Variants in MACROD2 observed in about 807,000 individuals in gnomAD.
MACROD2 encodes the protein mono-ADP ribosylhydrolase 2.
MACROD2 carries 36 observed loss-of-function variants against 70.4 expected under a neutral mutation model. The ratio of observed to expected loss-of-function variants is 0.51; its 90% confidence interval spans 0.39 to 0.68. MACROD2 has a LOEUF of 0.68. Ranked by LOEUF, MACROD2 falls within the 30% of genes least tolerant of loss-of-function variation. The probability of loss-of-function intolerance (pLI) is 0.00; values close to 1 mark genes in which losing one functional copy is unlikely to be tolerated. For synonymous variants in MACROD2, 172 were observed against 178.8 expected (o/e 0.96, Z 0.30); for missense variants, 496 against 538.4 (o/e 0.92, Z 0.78).
intron 12 of MACROD2, among the ~76,000 whole-genome samples, chr20:15,942,837 G>C (rs368821446): frequency 2.6e-5 from 4 of 152,144 alleles, no homozygotes; most frequent in Non-Finnish European, 4.4e-5. Flanking sequence ...GTTTAAACTC[G>C]TCTTAATCCA....
chr20:14,976,139 T>C (rs1164538094), intron 5 of MACROD2, among the ~76,000 whole-genome samples: 1 of 152,208 alleles, frequency 6.6e-6, no homozygotes, highest in Non-Finnish European at 1.5e-5. Context: ...CAGTTGTTTT[T>C]CTCATTTTTG....
intron 3 of MACROD2, among the ~76,000 whole-genome samples, chr20:14,363,068 A>G (rs1000226747): frequency 6.6e-6 from 1 of 152,172 alleles, no homozygotes; most frequent in Non-Finnish European, 1.5e-5. Flanking sequence ...ATTAGCCCTG[A>G]AGACTCATAT....
intron 5 of MACROD2, among the ~76,000 whole-genome samples, chr20:14,762,699 G>A (rs556924050): frequency 6.6e-6 from 1 of 152,086 alleles, no homozygotes; most frequent in Non-Finnish European, 1.5e-5. Context: ...GGAGGCTGAG[G>A]TGGGTAGATT....
At chr20:14,877,755 G>C (rs1600757996) in intron 5 of MACROD2, among the ~76,000 whole-genome samples, 1 of 151,974 alleles carries the variant, frequency 6.6e-6, no homozygotes, top group East Asian at 1.9e-4. Context: ...TTTTAGTTCT[G>C]TTTGTGTGGT....
intron 5 of MACROD2, among the ~76,000 whole-genome samples, chr20:15,206,499 G>A (rs1428480069): frequency 6.6e-6 from 1 of 151,986 alleles, no homozygotes; most frequent in Non-Finnish European, 1.5e-5. Context: ...ATCAATCAAT[G>A]TGGAGAATAT....
intron 5 of MACROD2, among the ~76,000 whole-genome samples, chr20:14,838,346 A>G (rs2073052597): frequency 6.6e-6 from 1 of 152,132 alleles, no homozygotes; most frequent in South Asian, 2.1e-4. Context: ...AGAAAACGTC[A>G]TTTGTGAAAT....
At chr20:15,359,868 A>G (rs1177237295) in intron 6 of MACROD2, among the ~76,000 whole-genome samples, 1 of 152,212 alleles carries the variant, frequency 6.6e-6, no homozygotes, top group Non-Finnish European at 1.5e-5. Context: ...GGAAATTGAC[A>G]TTGGTAAAAT....
intron 4 of MACROD2, among the ~76,000 whole-genome samples, chr20:14,675,498 G>A (rs550663252): frequency 4.6e-5 from 7 of 152,156 alleles, no homozygotes; most frequent in South Asian, 2.1e-4. Context: ...ACAGACAAGC[G>A]GAGGCTGAGA....
intron 3 of MACROD2, among the ~76,000 whole-genome samples, chr20:14,277,263 C>T (rs574256242): frequency 6.6e-6 from 1 of 152,262 alleles, no homozygotes; most frequent in South Asian, 2.1e-4. Context: ...TCCTGGCCAA[C>T]ATGGTGAAAC....
chr20:14,349,775 T>C (rs553220802), intron 3 of MACROD2, among the ~76,000 whole-genome samples: 1 of 150,624 alleles, frequency 6.6e-6, no homozygotes, highest in African/African-American at 2.4e-5. Flanking sequence ...TTCAGTTCCA[T>C]CCATGTTATT....
At chr20:14,149,291 G>T (rs142202963) in intron 3 of MACROD2, among the ~76,000 whole-genome samples, 8 of 151,558 alleles carry the variant, frequency 5.3e-5, no homozygotes, top group Admixed American at 5.3e-4. Flanking sequence ...TTAGGATAAT[G>T]GTTTCTAGCT....
chr20:15,215,223 TA>T (rs1350769911), intron 5 of MACROD2, among the ~76,000 whole-genome samples: 1 of 151,430 alleles, frequency 6.6e-6, no homozygotes, highest in Non-Finnish European at 1.5e-5. Context: ...AAATATTGAA[TA>T]TTTTTTTTCT....
At chr20:14,271,139 G>A (rs1296979158) in intron 3 of MACROD2, among the ~76,000 whole-genome samples, 1 of 152,184 alleles carries the variant, frequency 6.6e-6, no homozygotes, top group African/African-American at 2.4e-5. Flanking sequence ...GAAGAGAGCA[G>A]TGATTCTCCC....
chr20:15,236,663 A>C (rs2077016090), intron 6 of MACROD2, among the ~76,000 whole-genome samples: 1 of 152,200 alleles, frequency 6.6e-6, no homozygotes, highest in South Asian at 2.1e-4. Flanking sequence ...ATATGAGCCA[A>C]AACCAAGGTG....
At chr20:14,261,715 G>A (rs2082102534) in intron 3 of MACROD2, among the ~76,000 whole-genome samples, 1 of 136,262 alleles carries the variant, frequency 7.3e-6, no homozygotes, top group Non-Finnish European at 1.7e-5. Context: ...TTTATTGAAT[G>A]TCTTTTATGT....
chr20:14,249,294 C>T (rs2081991950), intron 3 of MACROD2, among the ~76,000 whole-genome samples: 1 of 151,770 alleles, frequency 6.6e-6, no homozygotes, highest in Non-Finnish European at 1.5e-5. Context: ...AAAATGTTGT[C>T]TCAGTATAAT....
chr20:15,787,718 T>C (rs944640495), intron 8 of MACROD2, among the ~76,000 whole-genome samples: 2 of 152,198 alleles, frequency 1.3e-5, no homozygotes, highest in Admixed American at 6.5e-5. Context: ...AAAAATCTTC[T>C]TTTTTAAAAA....
At chr20:14,713,075 G>T (rs544966974) in intron 5 of MACROD2, among the ~76,000 whole-genome samples, 5 of 152,236 alleles carry the variant, frequency 3.3e-5, no homozygotes, top group Non-Finnish European at 5.9e-5. Context: ...CACAATATGG[G>T]AGTAAAGGAC....
intron 9 of MACROD2, among the ~76,000 whole-genome samples, chr20:15,865,680 G>A (rs574179607): frequency 7.2e-5 from 11 of 152,296 alleles, no homozygotes; most frequent in Admixed American, 5.2e-4. Flanking sequence ...GAGACACAGC[G>A]AGGAAGTAAA....
Sources: allele counts gnomAD v4.1 joint callset (sites outside exome capture counted in the v4.1 genomes callset), GRCh38; gene constraint gnomAD v4.1.1; transcripts MANE v1.5; gene names NCBI Gene and HGNC (gene_info 2026-07-23, HGNC 2026-07-21).